DRGX: variants seen among roughly 807,000 people sequenced by gnomAD.
DRGX encodes the protein dorsal root ganglia homeobox.
DRGX carries 21 observed loss-of-function variants against 28.6 expected under a neutral mutation model. The observed-to-expected ratio is 0.73, with a 90% CI of 0.52 to 1.06. The LOEUF (loss-of-function observed/expected upper bound fraction) is 1.06, where lower values mean the gene tolerates loss of function less well. Among genes scored for constraint, DRGX ranks in the 50% least tolerant of loss-of-function variants. The pLI, the probability that DRGX is intolerant of heterozygous loss-of-function variation, is 0.00. For missense variants in DRGX, 354 were observed against 343.9 expected (o/e 1.03, Z -0.23); for synonymous variants, 136 against 139.1 (o/e 0.98, Z 0.16).
chr10:49,370,398 CCTT>C (rs142996782), intron 6 of DRGX, among the ~76,000 whole-genome samples: 5,332 of 152,214 alleles, frequency 0.035, 254 homozygotes, highest in African/African-American at 0.11. Flanking sequence ...GAGTGATACT[CCTT>C]CTCAAAAAAA....
intron 6 of DRGX, among the ~76,000 whole-genome samples, chr10:49,373,178 CA>C (rs1228608559): frequency 6.6e-6 from 1 of 151,834 alleles, no homozygotes; most frequent in Non-Finnish European, 1.5e-5. Flanking sequence ...CATATAGCAG[CA>C]AAAAATCATG....
intron 6 of DRGX, among the ~76,000 whole-genome samples, chr10:49,373,696 C>T (rs1208351801): frequency 6.6e-6 from 1 of 152,174 alleles, no homozygotes; most frequent in African/African-American, 2.4e-5. Context: ...TCTTAGACTT[C>T]CCAGCCTCCA....
At chr10:49,374,980 C>T (rs899716793) in intron 6 of DRGX, among the ~76,000 whole-genome samples, 1 of 152,204 alleles carries the variant, frequency 6.6e-6, no homozygotes, top group African/African-American at 2.4e-5. Context: ...AACTAATAAA[C>T]ATTTTGTGAG....
intron 6 of DRGX, among the ~76,000 whole-genome samples, chr10:49,381,851 C>A (rs1037226990): frequency 1.3e-5 from 2 of 152,204 alleles, no homozygotes; most frequent in Non-Finnish European, 1.5e-5. Context: ...ATCTTTGGTC[C>A]AAGGCTGTAA....
At position 49,364,254 on chromosome 10, in the gene DRGX, TAG is replaced by T. The variant is rs1293734973; in HGVS notation, c.*1860_*1861del. 2 of 152,236 alleles carry T rather than the reference TAG, an allele frequency of 1.3e-5. No homozygotes were observed. Among genetic ancestry groups the T allele is most frequent in the African/African-American group, 4.8e-5 (2 of 41,458 alleles). The allele number at this position is 152,236 out of a possible 1,614,324, so 9.4% of individuals were successfully genotyped here. ...ATATGATCCAGTTTTGCACAGTCACTAGAGTGTCGCATCATGAATTATTAAAT... is the reference window on the plus strand; with the variant it reads ...ATATGATCCAGTTTTGCACAGTCACTAGTGTCGCATCATGAATTATTAAAT... On this transcript the variant is annotated 3_prime_UTR_variant, in exon 7 of 7. Transcript: ENST00000374139.
chr10:49,395,075 T>C (rs921239602), intron 2 of DRGX, among the ~76,000 whole-genome samples: 4 of 152,192 alleles, frequency 2.6e-5, no homozygotes, highest in East Asian at 1.9e-4. Flanking sequence ...CCGTGAAAGA[T>C]TGATGCGGCC....
intron 3 of DRGX, among the ~76,000 whole-genome samples, chr10:49,390,785 T>C (rs987410624): frequency 6.7e-6 from 1 of 150,268 alleles, no homozygotes; most frequent in Admixed American, 6.7e-5. Flanking sequence ...CAACTATACC[T>C]TATCCAAGTC....
chr10:49,367,239 G>A (rs531947637), intron 6 of DRGX, among the ~76,000 whole-genome samples: 29 of 152,046 alleles, frequency 1.9e-4, no homozygotes, highest in Non-Finnish European at 3.2e-4. Context: ...GGTATGTGCC[G>A]ATAGTCCTAC....
At chr10:49,386,345 T>C in intron 6 of DRGX, 133 bp downstream of exon 6, 1 of 711,428 alleles carries the variant, frequency 1.4e-6, no homozygotes, top group Non-Finnish European at 2.3e-6. Context: ...TGGCCCTGGC[T>C]GTGACTGACA....
At chr10:49,368,528 T>G (rs754408160) in intron 6 of DRGX, among the ~76,000 whole-genome samples, 4 of 152,236 alleles carry the variant, frequency 2.6e-5, no homozygotes, top group Non-Finnish European at 5.9e-5. Context: ...CTGACACCAG[T>G]CACTGAGAGA....
At position 49,374,390 on chromosome 10, in the gene DRGX, CA is replaced by C. The variant is rs1849695837; in HGVS notation, c.527-8010del. ...CATCTCCCCTCCCATTTGTGTGGAC[CA>C]AAGTCAGTGAGTCCCTTCCTGCCTG... is the stretch of plus-strand genomic sequence containing the variant. On this transcript the variant is annotated intron_variant, in intron 6 of 6. Transcript: ENST00000374139. Among the ~76,000 whole-genome samples, 6 of 152,268 alleles carry C rather than the reference CA, an allele frequency of 3.9e-5. No homozygotes were observed. The South Asian group carries it at 1.2e-3, about 32-fold the overall frequency.
At chr10:49,367,124 G>C (rs1849609718) in intron 6 of DRGX, among the ~76,000 whole-genome samples, 1 of 152,216 alleles carries the variant, frequency 6.6e-6, no homozygotes, top group African/African-American at 2.4e-5. Flanking sequence ...GGGAGTCTGA[G>C]GTAGGAGGAT....
chr10:49,395,321 C>G, intron 2 of DRGX, 86 bp downstream of exon 2: 1 of 1,514,446 alleles, frequency 6.6e-7, no homozygotes, highest in Non-Finnish European at 8.9e-7. Flanking sequence ...GGCGGGGACC[C>G]AGCCACCCAC....
chr10:49,395,172 G>A (rs1471643619), intron 2 of DRGX, among the ~76,000 whole-genome samples: 36 of 152,198 alleles, frequency 2.4e-4, no homozygotes, highest in Admixed American at 2.2e-3. Flanking sequence ...CGCCTAGCCC[G>A]GGGCGTCCTG....
chr10:49,376,488 C>T (rs1371260671), intron 6 of DRGX, among the ~76,000 whole-genome samples: 1 of 152,174 alleles, frequency 6.6e-6, no homozygotes, highest in Non-Finnish European at 1.5e-5. Flanking sequence ...GGAGACTCTC[C>T]CATGGGAGAG....
chr10:49,364,905 C>A lies in DRGX; in HGVS notation c.*1211G>T, dbSNP rs1041148051. On this transcript the variant is annotated 3_prime_UTR_variant, in exon 7 of 7. Transcript: ENST00000374139. ...CAGCAAAAGCCACCAAAGACTGCAA[C>A]CTTTCCCATGCCGGGCGCCCCTGCC... is the stretch of plus-strand genomic sequence containing the variant. 2.0e-5 allele frequency: 3 copies of A among 152,262 alleles called. No homozygotes were observed. Among genetic ancestry groups the A allele is most frequent in the African/African-American group, 4.8e-5 (2 of 41,464 alleles). The allele number at this position is 152,262 out of a possible 1,614,324, so 9.4% of individuals were successfully genotyped here.
rs912537365 is a variant in DRGX, at chr10:49,364,222, CTT to C, written c.*1892_*1893del. 5 of 152,206 alleles carry C rather than the reference CTT, an allele frequency of 3.3e-5. No homozygotes were observed. The highest frequency in any genetic ancestry group is 1.2e-4 in the African/African-American group (5 of 41,450). The allele number at this position is 152,206 out of a possible 1,614,324, so 9.4% of individuals were successfully genotyped here. ...TTTCCTTTCAGTAACATCAGGCAGA[CTT>C]TTCGATATGATCCAGTTTTGCACAG... On this transcript the variant is annotated 3_prime_UTR_variant, in exon 7 of 7. Coordinates refer to ENST00000374139, the MANE Select transcript of DRGX (RefSeq NM_001276451.2).
chr10:49,395,466 G>A lies in DRGX; in HGVS notation c.-26C>T, dbSNP rs1009206218. 53 of 1,549,594 alleles carry A rather than the reference G, an allele frequency of 3.4e-5. No homozygotes were observed. The African/African-American group carries it at 6.3e-4, about 18-fold the overall frequency. ...CGCCGGCTGTCAGATCGGCTGGACG[G>A]CCGAGACCTGGGAGGGTGGCAGCAG... On this transcript the variant is annotated 5_prime_UTR_variant, in exon 2 of 7. Transcript: ENST00000374139.
At chr10:49,392,699 G>A (rs539166767) in intron 2 of DRGX, among the ~76,000 whole-genome samples, 7 of 152,140 alleles carry the variant, frequency 4.6e-5, no homozygotes, top group East Asian at 1.9e-4. Context: ...ACTGCATGTC[G>A]AACTGAATCC....
Sources: allele counts gnomAD v4.1 joint callset (sites outside exome capture counted in the v4.1 genomes callset), GRCh38; gene constraint gnomAD v4.1.1; transcripts MANE v1.5; gene names NCBI Gene and HGNC (gene_info 2026-07-23, HGNC 2026-07-21).